UTP20: variants seen among roughly 807,000 people sequenced by gnomAD.
UTP20 encodes the protein UTP20 small subunit processome component.
UTP20 carries 164 observed loss-of-function variants against 329.5 expected under a neutral mutation model. That is an observed-to-expected ratio of 0.50 (90% CI 0.44 to 0.57). The LOEUF (loss-of-function observed/expected upper bound fraction) is 0.57, where lower values mean the gene tolerates loss of function less well. Ranked by LOEUF, UTP20 falls within the 20% of genes least tolerant of loss-of-function variation. UTP20 has a pLI of 0.00. For missense variants in UTP20, 3,055 were observed against 3,284.2 expected (o/e 0.93, Z 1.71); for synonymous variants, 1,151 against 1,159.3 (o/e 0.99, Z 0.14).
intron 35 of UTP20, among the ~76,000 whole-genome samples, chr12:101,343,884 C>T (rs1235414576): frequency 6.6e-6 from 1 of 152,106 alleles, no homozygotes; most frequent in African/African-American, 2.4e-5. Context: ...TGCAACTATA[C>T]TAATTGAAAA....
intron 25 of UTP20, among the ~76,000 whole-genome samples, chr12:101,323,866 TGGTG>T (rs1293038882): frequency 2.6e-5 from 4 of 152,138 alleles, no homozygotes; most frequent in African/African-American, 9.7e-5. Context: ...GGACGCCCCC[TGGTG>T]GCTTACGCAT....
At position 101,343,009 on chromosome 12, in the gene UTP20, C is replaced by T. The variant is rs1353615604; in HGVS notation, c.4365C>T (p.Thr1455=). 1 of 1,613,760 alleles carries T rather than the reference C, an allele frequency of 6.2e-7. No homozygotes were observed. Among genetic ancestry groups the T allele is most frequent in the African/African-American group, 1.3e-5 (1 of 75,042 alleles). Residue 1455 remains threonine (T), a synonymous_variant, in exon 35 of 62, where the codon ACC becomes ACT. Coordinates refer to ENST00000261637, the MANE Select transcript of UTP20 (RefSeq NM_014503.3). ...ACGTTCGCTTTGAGACTTTCCAGAC[C>T]ATCACCTCTTACATTAAAGAAATGC... ...NFDVRFETFQ[T]ITSYIKEMQI...
intron 21 of UTP20, among the ~76,000 whole-genome samples, chr12:101,316,345 A>G (rs950964081): frequency 1.3e-5 from 2 of 152,250 alleles, no homozygotes; most frequent in African/African-American, 4.8e-5. Flanking sequence ...ATGAGTGAAC[A>G]TGCTGTTCAC....
intron 18 of UTP20, 115 bp from the exon 19 acceptor site, chr12:101,309,648 G>A (rs920450757): frequency 7.5e-6 from 7 of 933,834 alleles, no homozygotes; most frequent in Admixed American, 2.7e-5. Context: ...TTTTCTTATC[G>A]CACAGGCTTC....
chr12:101,330,863 A>C (rs1272927254), intron 27 of UTP20, among the ~76,000 whole-genome samples: 3 of 152,162 alleles, frequency 2.0e-5, no homozygotes, highest in African/African-American at 7.2e-5. Flanking sequence ...GACAGATAGG[A>C]GCTTTCTTAT....
intron 24 of UTP20, 151 bp from the exon 25 acceptor site, chr12:101,321,353 A>T (rs917488952): frequency 4.5e-6 from 5 of 1,122,686 alleles, no homozygotes; most frequent in East Asian, 2.7e-5. Flanking sequence ...ATTTTAGGAG[A>T]TTTTTTTGAG....
chr12:101,335,879 A>G (rs1168361989), intron 29 of UTP20, among the ~76,000 whole-genome samples: 3 of 152,208 alleles, frequency 2.0e-5, no homozygotes, highest in African/African-American at 7.2e-5. Context: ...TATCTTTATC[A>G]TTGGACATTT....
chr12:101,385,446 A>ATTTTTTTTTT, intron 60 of UTP20, 137 bp from the exon 61 acceptor site: 2 of 996,144 alleles, frequency 2.0e-6, no homozygotes, highest in South Asian at 1.7e-5. Flanking sequence ...AAGAGTTGAA[A>ATTTTTTTTTT]TTTTGTTTTG....
chr12:101,303,176 A>C (rs1397911918), intron 15 of UTP20, among the ~76,000 whole-genome samples: 1 of 152,176 alleles, frequency 6.6e-6, no homozygotes, highest in South Asian at 2.1e-4. Flanking sequence ...CACTTTGTTC[A>C]GTAGGTAATC....
intron 26 of UTP20, 104 bp downstream of exon 26, chr12:101,327,351 G>C (rs1352277971): frequency 1.7e-6 from 2 of 1,180,432 alleles, no homozygotes; most frequent in Non-Finnish European, 2.2e-6. Context: ...TAACAGGGTT[G>C]TTCCTCCCAA....
rs749965153 is a variant in UTP20 at position 101,315,084 on chromosome 12, C to T, written c.2553-2394C>T. Among the ~76,000 whole-genome samples the T allele has an allele frequency of 2.6e-5, 4 of 151,632 alleles. No individual in the cohort carries two copies. The South Asian group carries it at 8.4e-4, about 32-fold the overall frequency. ...TCCAACCTGGGCAACAGAGACAGAA[C>T]GAGACTTTGTCTCTGCTCCCAAAAA... is the stretch of plus-strand genomic sequence containing the variant. On this transcript the variant is annotated intron_variant, in intron 21 of 61. Transcript: ENST00000261637.
chr12:101,340,858 C>A (rs981274249), intron 32 of UTP20, among the ~76,000 whole-genome samples: 4 of 150,930 alleles, frequency 2.7e-5, no homozygotes, highest in African/African-American at 9.7e-5. Flanking sequence ...CCCTTTATTT[C>A]CCTTGTTTAG....
At chr12:101,367,813 TG>T in intron 47 of UTP20, 46 bp from the exon 48 acceptor site, 2 of 1,178,506 alleles carry the variant, frequency 1.7e-6, no homozygotes, top group East Asian at 2.3e-5. Flanking sequence ...CTAACTCATC[TG>T]GTCTAATGGG....
chr12:101,370,853 T>A (rs1870261214), intron 50 of UTP20, among the ~76,000 whole-genome samples: 1 of 152,234 alleles, frequency 6.6e-6, no homozygotes, highest in South Asian at 2.1e-4. Context: ...AAACTCACCA[T>A]TTTAAAAAAT....
intron 38 of UTP20, among the ~76,000 whole-genome samples, chr12:101,351,142 T>TC (rs397958008): frequency 6.6e-6 from 1 of 151,948 alleles, no homozygotes; most frequent in African/African-American, 2.4e-5. Flanking sequence ...TTTTTTTTTT[T>TC]CCAAGACGCA....
chr12:101,347,825 T>A (rs1460059774), intron 38 of UTP20, among the ~76,000 whole-genome samples: 1 of 152,146 alleles, frequency 6.6e-6, no homozygotes, highest in Non-Finnish European at 1.5e-5. Context: ...TGGTTGATGT[T>A]CACATGGTAT....
At chr12:101,343,278 A>G (rs1239742376) in intron 35 of UTP20, among the ~76,000 whole-genome samples, 185 bp downstream of exon 35, 1 of 152,194 alleles carries the variant, frequency 6.6e-6, no homozygotes, top group Non-Finnish European at 1.5e-5. Flanking sequence ...TAAAAGGCAA[A>G]TATTGTGAAT....
chr12:101,311,200 G>A (rs1436110158), intron 19 of UTP20, among the ~76,000 whole-genome samples: 3 of 152,182 alleles, frequency 2.0e-5, no homozygotes, highest in Non-Finnish European at 4.4e-5. Flanking sequence ...ATATTTGAGA[G>A]TATTGTTGCT....
intron 18 of UTP20, 69 bp downstream of exon 18, chr12:101,308,412 A>G (rs1445421085): frequency 1.9e-6 from 2 of 1,028,534 alleles, no homozygotes; most frequent in Admixed American, 3.3e-5. Context: ...GAAGCACATC[A>G]AGTAGTCACC....
Sources: allele counts gnomAD v4.1 joint callset (sites outside exome capture counted in the v4.1 genomes callset), GRCh38; gene constraint gnomAD v4.1.1; transcripts MANE v1.5; gene names NCBI Gene and HGNC (gene_info 2026-07-23, HGNC 2026-07-21).